The following DGKG variants were observed in gnomAD, a reference collection of about 807,000 sequenced individuals.
DGKG encodes DAG kinase gamma.
DGKG carries 78 observed loss-of-function variants against 105.3 expected under a neutral mutation model. That is an observed-to-expected ratio of 0.74 (90% CI 0.62 to 0.89). The LOEUF (loss-of-function observed/expected upper bound fraction) is 0.89. DGKG is among the 40% of genes least tolerant of loss of function. The pLI is 0.00. For synonymous variants in DGKG, 346 were observed against 367.1 expected, an observed-to-expected ratio of 0.94 and a Z score of 0.66; for missense variants, 958 against 1,020.1, an observed-to-expected ratio of 0.94 and a Z score of 0.83.
At chr3:186,347,740 G>A (rs192032613) in intron 1 of DGKG, among the ~76,000 whole-genome samples, 3 of 151,734 alleles carry the variant, frequency 2.0e-5, no homozygotes, top group African/African-American at 2.4e-5. Context: ...CCACCACCAC[G>A]CTAGGCTAAT....
At chr3:186,288,398 C>T (rs755220391) in intron 6 of DGKG, among the ~76,000 whole-genome samples, 1 of 152,220 alleles carries the variant, frequency 6.6e-6, no homozygotes, top group African/African-American at 2.4e-5. Context: ...TAAAGGCTTT[C>T]AGGAAGTCCT....
chr3:186,158,876 T>C, intron 24 of DGKG: 2 of 942,272 alleles, frequency 2.1e-6, no homozygotes, highest in Non-Finnish European at 2.5e-6. Flanking sequence ...TGTGTTTACT[T>C]ATTCTGCTTT....
At chr3:186,202,229 TAAC>T (rs1364612757) in intron 21 of DGKG, among the ~76,000 whole-genome samples, 1 of 152,242 alleles carries the variant, frequency 6.6e-6, no homozygotes. Context: ...GCTTGAGATA[TAAC>T]ACGTGTGTGT....
chr3:186,295,063 C>T (rs1354222992), intron 5 of DGKG, among the ~76,000 whole-genome samples: 2 of 152,124 alleles, frequency 1.3e-5, no homozygotes, highest in African/African-American at 2.4e-5. Flanking sequence ...ACTGAAAACT[C>T]GATAATCCTT....
Position 186,268,903 on chromosome 3 carries a change from T to G in DGKG, c.1014A>C (p.Ala338=), listed in dbSNP as rs1282684390. The G allele has an allele frequency of 1.2e-6, 2 of 1,613,504 alleles. No homozygotes were observed. Among genetic ancestry groups the G allele is most frequent in the Admixed American group, 3.3e-5 (2 of 60,030 alleles). ...TGACGGAGGAGTTCCCTTCCACCCA[T>G]GCGTGCTGCATCACCTGCGGGAGGG... ...AKRSGEVMQH[A]WVEGNSSVKC... The change falls in exon 12 of 25, where the codon GCA becomes GCC. Residue 338 remains alanine (A), a synonymous_variant. Transcript: ENST00000265022.
intron 24 of DGKG, 159 bp downstream of exon 24, chr3:186,161,444 A>G (rs1716286146): frequency 1.4e-6 from 2 of 1,448,406 alleles, no homozygotes; most frequent in Middle Eastern, 2.0e-4. Context: ...GTTGCCAGGT[A>G]AATGAGTGGA....
At chr3:186,326,524 G>T (rs1003279048) in intron 1 of DGKG, among the ~76,000 whole-genome samples, 2 of 151,556 alleles carry the variant, frequency 1.3e-5, no homozygotes, top group African/African-American at 2.4e-5. Flanking sequence ...GTCCGACATT[G>T]CAAAGTCAAT....
In DGKG at chr3:186,203,465, A is replaced by C. The variant is rs944322950; in HGVS notation, c.1917+8330T>G. On this transcript the variant is annotated intron_variant, in intron 21 of 24. Transcript: ENST00000265022. The surrounding 1 kb of genome is among the most constrained non-coding windows in gnomAD (Gnocchi z 4.9). ...AATTTGGATTACCTTTGTAATCGGG[A>C]AAAGAGGTTAGCCCACATATTAGGA... Among the ~76,000 whole-genome samples the C allele has an allele frequency of 7.9e-5, 12 of 152,164 alleles. No homozygotes were observed. Among genetic ancestry groups the C allele is most frequent in the Non-Finnish European group, 1.5e-4 (10 of 68,042 alleles).
At chr3:186,287,546 C>T (rs976691013) in intron 6 of DGKG, among the ~76,000 whole-genome samples, 2 of 152,160 alleles carry the variant, frequency 1.3e-5, no homozygotes, top group African/African-American at 4.8e-5. Flanking sequence ...GTTGGAGAGT[C>T]ATTAATATAA....
Position 186,306,961 on chromosome 3 carries a change from TATCTTCTTGGAGGAATCTG to T in DGKG, c.68-3_83del. 1 of 1,612,708 alleles carries T rather than the reference TATCTTCTTGGAGGAATCTG, an allele frequency of 6.2e-7. No individual in the cohort carries two copies. The highest frequency in any genetic ancestry group is 8.5e-7 in the Non-Finnish European group (1 of 1,178,654). On this transcript the variant is annotated splice_acceptor_variant and splice_polypyrimidine_tract_variant and coding_sequence_variant and intron_variant, in exon 3 of 25. Coordinates refer to ENST00000265022, the MANE Select transcript of DGKG (RefSeq NM_001346.3). LOFTEE classifies it high-confidence loss of function. ...CATTAAATTCAGTCAAGGCATCTTT[TATCTTCTTGGAGGAATCTG>T]AAGAGACACAATTCACATGTGAAAC...
intron 6 of DGKG, among the ~76,000 whole-genome samples, chr3:186,287,310 A>AT (rs1191831656): frequency 6.6e-6 from 1 of 152,212 alleles, no homozygotes; most frequent in Non-Finnish European, 1.5e-5. Context: ...TTAGAGGTAC[A>AT]TACTGAAATA....
intron 1 of DGKG, among the ~76,000 whole-genome samples, chr3:186,321,817 C>T (rs1425050613): frequency 3.3e-5 from 5 of 152,186 alleles, no homozygotes; most frequent in Admixed American, 1.3e-4. Flanking sequence ...ATAAAGAAAA[C>T]CTTCCATTAA....
rs1041951004 is a variant in DGKG at position 186,255,567 on chromosome 3, C to T, written c.1510+2287G>A. On this transcript the variant is annotated intron_variant, in intron 17 of 24. Transcript: ENST00000265022. ...CCCTGAGGTGCAAGGGAGACTGGAA[C>T]GCCCAGGGGTCTGAGAGATGGGCCG... is the stretch of plus-strand genomic sequence containing the variant. Among the ~76,000 whole-genome samples, 5 of 152,298 alleles carry T rather than the reference C, an allele frequency of 3.3e-5. 1 individual carries two copies. The highest frequency in any genetic ancestry group is 9.6e-5 in the African/African-American group (4 of 41,572).
chr3:186,314,732 T>C (rs1057510996), intron 2 of DGKG, among the ~76,000 whole-genome samples: 53 of 130,958 alleles, frequency 4.0e-4, no homozygotes, highest in Admixed American at 1.8e-3. Flanking sequence ...CCAGGCTAGG[T>C]GACAGAGTAA....
intron 21 of DGKG, among the ~76,000 whole-genome samples, chr3:186,193,777 G>GGCCCCC (rs2108504966): frequency 1.3e-5 from 2 of 152,314 alleles, no homozygotes; most frequent in African/African-American, 4.8e-5. Flanking sequence ...GACGTCATCG[G>GGCCCCC]GCCCCCTCCC....
intron 8 of DGKG, 115 bp from the exon 9 acceptor site, chr3:186,280,088 C>A: frequency 1.5e-6 from 2 of 1,350,928 alleles, no homozygotes; most frequent in South Asian, 2.6e-5. Flanking sequence ...TACCCCTTTC[C>A]CCTCCTGTTA....
intron 1 of DGKG, among the ~76,000 whole-genome samples, chr3:186,350,156 C>T (rs1174827096): frequency 6.6e-6 from 1 of 152,104 alleles, no homozygotes; most frequent in African/African-American, 2.4e-5. Flanking sequence ...TCCAAAAGTG[C>T]TGGGATTATA....
intron 5 of DGKG, 64 bp from the exon 6 acceptor site, chr3:186,288,944 T>G (rs1723193902): frequency 1.4e-6 from 2 of 1,443,496 alleles, no homozygotes; most frequent in Admixed American, 2.4e-5. Context: ...AACCCCTCTT[T>G]GTTACCCCAT....
intron 5 of DGKG, among the ~76,000 whole-genome samples, chr3:186,297,066 T>A (rs62289055): frequency 0.074 from 9,163 of 123,482 alleles, 344 homozygotes; most frequent in African/African-American, 0.13. Context: ...TGTCTGTCTC[T>A]CTCACACACA....
Sources: allele counts gnomAD v4.1 joint callset (sites outside exome capture counted in the v4.1 genomes callset), GRCh38; gene constraint gnomAD v4.1.1; non-coding constraint Gnocchi (gnomAD v3.1); transcripts MANE v1.5; gene names NCBI Gene and HGNC (gene_info 2026-07-23, HGNC 2026-07-21).